The following FOXP2 variants were observed in gnomAD, a reference collection of about 807,000 sequenced individuals.
FOXP2 encodes the protein forkhead box P2, also known as forkhead box protein P2.
Under a neutral mutation model 115.8 loss-of-function variants are expected in FOXP2, and 12 were observed. The ratio of observed to expected loss-of-function variants is 0.10; its 90% CI spans 0.07 to 0.17. FOXP2 has a LOEUF of 0.17. Ranked by LOEUF, FOXP2 falls within the 10% of genes least tolerant of loss-of-function variation. FOXP2 has a pLI of 1.00. For synonymous variants in FOXP2, 328 were observed against 297.7 expected (o/e 1.10, Z -1.05); for missense variants, 629 against 843.5 (o/e 0.75, Z 3.15).
At chr7:114,192,621 T>G (rs1413295593) in intron 1 of FOXP2, among the ~76,000 whole-genome samples, 1 of 152,232 alleles carries the variant, frequency 6.6e-6, no homozygotes, top group Non-Finnish European at 1.5e-5. Flanking sequence ...CTAGGTTGTT[T>G]CATACAGCAG....
intron 2 of FOXP2, among the ~76,000 whole-genome samples, chr7:114,314,935 A>G (rs937828311): frequency 2.0e-5 from 3 of 152,166 alleles, no homozygotes; most frequent in African/African-American, 4.8e-5. Context: ...TGGCTATTTA[A>G]CATTTCTCAT....
intron 16 of FOXP2, among the ~76,000 whole-genome samples, chr7:114,681,371 CT>C (rs990946420): frequency 5.3e-5 from 8 of 152,096 alleles, no homozygotes; most frequent in African/African-American, 1.9e-4. Flanking sequence ...TGCTACATCT[CT>C]TAACATTTTC....
intron 2 of FOXP2, among the ~76,000 whole-genome samples, chr7:114,406,790 C>G (rs930389729): frequency 5.9e-5 from 9 of 151,986 alleles, no homozygotes; most frequent in African/African-American, 2.2e-4. Context: ...CCCTTTCTTT[C>G]TCCCTCAGTT....
intron 2 of FOXP2, among the ~76,000 whole-genome samples, chr7:114,378,093 C>T (rs1792185624): frequency 6.6e-6 from 1 of 152,104 alleles, no homozygotes; most frequent in African/African-American, 2.4e-5. Context: ...TAGCATTCAT[C>T]CTAATTGTGA....
At chr7:114,431,265 C>T (rs989818492) in intron 2 of FOXP2, among the ~76,000 whole-genome samples, 2 of 151,900 alleles carry the variant, frequency 1.3e-5, no homozygotes, top group Non-Finnish European at 2.9e-5. Context: ...TGTTATCTCT[C>T]GCCCAATTCC....
At chr7:114,529,380 C>T (rs1405294990) in intron 2 of FOXP2, among the ~76,000 whole-genome samples, 1 of 151,854 alleles carries the variant, frequency 6.6e-6, no homozygotes, top group East Asian at 1.9e-4. Flanking sequence ...TCCATTCCAT[C>T]ACACATTCAA....
intron 1 of FOXP2, among the ~76,000 whole-genome samples, chr7:114,268,138 A>G (rs1795943148): frequency 6.6e-6 from 1 of 152,198 alleles, no homozygotes; most frequent in Non-Finnish European, 1.5e-5. Context: ...AGGACATAGT[A>G]TATGTCAGAA....
chr7:114,610,426 C>A (rs1803566561), intron 3 of FOXP2, among the ~76,000 whole-genome samples: 1 of 152,002 alleles, frequency 6.6e-6, no homozygotes, highest in South Asian at 2.1e-4. Flanking sequence ...GAAAATGCAT[C>A]AGTTCTTGAT....
chr7:114,387,897 G>T (rs555053053), intron 2 of FOXP2, among the ~76,000 whole-genome samples: 1 of 152,228 alleles, frequency 6.6e-6, no homozygotes, highest in East Asian at 1.9e-4. Flanking sequence ...AACAATAAAA[G>T]ATTTTGAAAT....
At chr7:114,394,987 T>C (rs1408938167) in intron 2 of FOXP2, among the ~76,000 whole-genome samples, 1 of 134,270 alleles carries the variant, frequency 7.4e-6, no homozygotes, top group African/African-American at 3.0e-5. Flanking sequence ...GATAGTACCA[T>C]GGTGATGCAG....
intron 14 of FOXP2, among the ~76,000 whole-genome samples, chr7:114,662,706 G>T (rs1047588702): frequency 1.3e-5 from 2 of 152,016 alleles, no homozygotes; most frequent in African/African-American, 4.8e-5. Flanking sequence ...AACTGTGATG[G>T]TTTTCTGTAC....
At chr7:114,425,034 C>A (rs1471766571) in intron 1 of FOXP2, among the ~76,000 whole-genome samples, 1 of 151,186 alleles carries the variant, frequency 6.6e-6, no homozygotes, top group Non-Finnish European at 1.5e-5. Flanking sequence ...TTAATATTGG[C>A]ATTCAAAAAT....
At chr7:114,212,940 T>G (rs533152625) in intron 1 of FOXP2, among the ~76,000 whole-genome samples, 32 of 152,332 alleles carry the variant, frequency 2.1e-4, no homozygotes, top group Middle Eastern at 3.4e-3. Flanking sequence ...TTGTTTGCTT[T>G]TGCTTCCTTT....
intron 3 of FOXP2, among the ~76,000 whole-genome samples, chr7:114,621,874 C>T (rs558670208): frequency 6.6e-6 from 1 of 152,094 alleles, no homozygotes; most frequent in African/African-American, 2.4e-5. Context: ...AATATGTCCC[C>T]TTGGCAAGAC....
intron 3 of FOXP2, among the ~76,000 whole-genome samples, chr7:114,552,043 C>G (rs1800233456): frequency 6.6e-6 from 1 of 152,130 alleles, no homozygotes; most frequent in African/African-American, 2.4e-5. Context: ...CTTCAACCTC[C>G]CACTGATACT....
At chr7:114,230,064 A>G (rs1794836069) in intron 1 of FOXP2, among the ~76,000 whole-genome samples, 1 of 151,902 alleles carries the variant, frequency 6.6e-6, no homozygotes, top group Non-Finnish European at 1.5e-5. Context: ...GATGGCACAG[A>G]AATAAGAATG....
intron 2 of FOXP2, among the ~76,000 whole-genome samples, chr7:114,402,112 ACT>A (rs1268320835): frequency 1.3e-5 from 2 of 152,164 alleles, no homozygotes; most frequent in Non-Finnish European, 2.9e-5. Context: ...ACAGAGCAAG[ACT>A]CTGTCTCCAA....
intron 2 of FOXP2, among the ~76,000 whole-genome samples, chr7:114,319,481 T>C (rs1584633146): frequency 6.6e-6 from 1 of 152,130 alleles, no homozygotes; most frequent in Non-Finnish European, 1.5e-5. Flanking sequence ...ATGGCTGGGG[T>C]GGCCTCACAA....
chr7:114,371,188 C>T (rs1432973515), intron 2 of FOXP2, among the ~76,000 whole-genome samples: 1 of 151,974 alleles, frequency 6.6e-6, no homozygotes, highest in Non-Finnish European at 1.5e-5. Context: ...TCAGCCAGTC[C>T]TCCTGCCTCA....
Sources: allele counts gnomAD v4.1 joint callset (sites outside exome capture counted in the v4.1 genomes callset), GRCh38; gene constraint gnomAD v4.1.1; transcripts MANE v1.5; gene names NCBI Gene and HGNC (gene_info 2026-07-23, HGNC 2026-07-21).